Variants in FAM161A observed in about 807,000 individuals in gnomAD.
FAM161A encodes the protein FAM161 centrosomal protein A.
A neutral mutation model predicts 70.9 loss-of-function variants in FAM161A; 57 were observed. The observed-to-expected ratio is 0.80, with a 90% CI of 0.65 to 1.00. The LOEUF (loss-of-function observed/expected upper bound fraction) is 1.00, where lower values mean the gene tolerates loss of function less well. Ranked by LOEUF, FAM161A falls within the 50% of genes least tolerant of loss-of-function variation. FAM161A has a pLI of 0.00. For synonymous variants in FAM161A, 299 were observed against 295.7 expected, an observed-to-expected ratio of 1.01 and a Z score of -0.12; for missense variants, 880 against 836.0, an observed-to-expected ratio of 1.05 and a Z score of -0.65.
At chr2:61,812,305 C>G in the FAM161A span, among the ~76,000 whole-genome samples, 1 of 152,134 alleles carries the variant, frequency 6.6e-6, no homozygotes, top group Non-Finnish European at 1.5e-5. Flanking sequence ...TTCTCAGTAC[C>G]TAGATTTTTT....
At chr2:61,804,502 C>T in the FAM161A span, among the ~76,000 whole-genome samples, 5 of 151,810 alleles carry the variant, frequency 3.3e-5, no homozygotes, top group African/African-American at 9.7e-5. Flanking sequence ...CTGGTCAACA[C>T]GGTGAAACCC....
intron 1 of FAM161A, among the ~76,000 whole-genome samples, chr2:61,845,670 T>A (rs58512826): frequency 0.22 from 33,983 of 151,058 alleles, 4,369 homozygotes; most frequent in East Asian, 0.5. Context: ...AAATTTTTTT[T>A]AAAAAATTAG....
At chr2:61,843,039 C>G (rs1420391878) in intron 1 of FAM161A, among the ~76,000 whole-genome samples, 1 of 152,096 alleles carries the variant, frequency 6.6e-6, no homozygotes, top group Non-Finnish European at 1.5e-5. Flanking sequence ...GACAACAAAG[C>G]AAAGAAGAAA....
chr2:61,810,455 T>C, the FAM161A span, among the ~76,000 whole-genome samples: 2 of 136,840 alleles, frequency 1.5e-5, no homozygotes, highest in Non-Finnish European at 3.2e-5. Context: ...AGCACTTCCT[T>C]TTTTTTTTTT....
At chr2:61,809,163 G>A in the FAM161A span, among the ~76,000 whole-genome samples, 2 of 152,160 alleles carry the variant, frequency 1.3e-5, no homozygotes, top group South Asian at 2.1e-4. Context: ...ATGAGCCACC[G>A]CGCCCCGCCT....
chr2:61,838,158 G>A (rs933231240), intron 4 of FAM161A, among the ~76,000 whole-genome samples: 3 of 152,158 alleles, frequency 2.0e-5, no homozygotes, highest in Non-Finnish European at 4.4e-5. Context: ...GATGTTTAAC[G>A]TGTTAATTTG....
chr2:61,829,972 A>C (rs1284583708), intron 5 of FAM161A, among the ~76,000 whole-genome samples: 1 of 146,032 alleles, frequency 6.8e-6, no homozygotes, highest in Non-Finnish European at 1.5e-5. Context: ...GCAGCAAAAA[A>C]TGTACTAAAA....
chr2:61,842,416 C>A (rs1673052115), intron 1 of FAM161A, 56 bp from the exon 2 acceptor site: 1 of 1,107,756 alleles, frequency 9.0e-7, no homozygotes, highest in South Asian at 1.4e-5. Flanking sequence ...ACAAATTAAG[C>A]TGACACTGAT....
downstream of FAM161A, chr2:61,820,656 T>C (rs185316540): frequency 1.5e-4 from 75 of 491,314 alleles, no homozygotes; most frequent in African/African-American, 1.4e-3. Context: ...ATGATGGTAT[T>C]AGAGCTGTGT....
downstream of FAM161A, among the ~76,000 whole-genome samples, chr2:61,823,243 G>C (rs1469689225): frequency 6.6e-6 from 1 of 150,418 alleles, no homozygotes; most frequent in Non-Finnish European, 1.5e-5. Flanking sequence ...GGAGGCAGGA[G>C]AATCACTTGA....
At chr2:61,835,281 G>C (rs2105072525) in intron 5 of FAM161A, among the ~76,000 whole-genome samples, 1 of 152,286 alleles carries the variant, frequency 6.6e-6, no homozygotes, top group Non-Finnish European at 1.5e-5. Flanking sequence ...CACCCATACA[G>C]ATGCCTCCCC....
chr2:61,806,185 T>C, the FAM161A span, among the ~76,000 whole-genome samples: 1 of 151,880 alleles, frequency 6.6e-6, no homozygotes, highest in Non-Finnish European at 1.5e-5. Flanking sequence ...ACTACTGCAC[T>C]CAAGCCTGGG....
At chr2:61,804,768 G>GAAAGAA in the FAM161A span, among the ~76,000 whole-genome samples, 6,984 of 118,994 alleles carry the variant, frequency 0.059, 273 homozygotes, top group African/African-American at 0.078. Context: ...GAAAAAGAAA[G>GAAAGAA]AGAAAGAAAG....
At chr2:61,847,970 A>T (rs1433986750) in intron 1 of FAM161A, among the ~76,000 whole-genome samples, 1 of 152,210 alleles carries the variant, frequency 6.6e-6, no homozygotes, top group African/African-American at 2.4e-5. Context: ...GAACCATGCA[A>T]AGAAATGCTG....
chr2:61,804,042 G>A, the FAM161A span, among the ~76,000 whole-genome samples: 6 of 152,156 alleles, frequency 3.9e-5, no homozygotes, highest in African/African-American at 1.4e-4. Flanking sequence ...ACGGCTGCTG[G>A]TTGCCCATTT....
intron 4 of FAM161A, among the ~76,000 whole-genome samples, chr2:61,838,148 G>A (rs1243028833): frequency 1.3e-5 from 2 of 152,102 alleles, no homozygotes; most frequent in African/African-American, 2.4e-5. Flanking sequence ...TCACATAACC[G>A]ATGTTTAACG....
At chr2:61,819,952 C>T (rs542297302), downstream of FAM161A, among the ~76,000 whole-genome samples, 7 of 152,130 alleles carry the variant, frequency 4.6e-5, no homozygotes, top group East Asian at 1.4e-3. Context: ...ATTTTTTCCT[C>T]ATAGAGGATA....
Position 61,827,143 on chromosome 2 carries a change from T to A in FAM161A, c.1967A>T (p.Asn656Ile), listed in dbSNP as rs770123645. The A allele has an allele frequency of 1.5e-5, 24 of 1,613,842 alleles. No homozygotes were observed. Among genetic ancestry groups the A allele is most frequent in the Non-Finnish European group, 1.5e-5 (18 of 1,179,966 alleles). Residue 656 changes from asparagine (N) to isoleucine (I), a missense_variant, in exon 6 of 7, where the codon AAC (asparagine) becomes ATC (isoleucine). Asn to Ile is a moderately radical substitution (Grantham distance 149). Coordinates refer to ENST00000404929, the MANE Select transcript of FAM161A (RefSeq NM_001201543.2). The part of the protein sequence containing the change: ...GQSGKVLEYF[N>I]NQETKSVTED... The stretch of plus-strand genomic sequence containing the variant: ...AGTGACACTTTTCGTCTCTTGATTG[T>A]TGAAGTACTCAAGTACTTTTCCACT...
intron 5 of FAM161A, 70 bp from the exon 6 acceptor site, chr2:61,827,328 A>C (rs1183940687): frequency 6.5e-7 from 1 of 1,539,326 alleles, no homozygotes; most frequent in Non-Finnish European, 8.9e-7. Flanking sequence ...TGTATAGATT[A>C]GGCCAGGCGC....
Sources: gnomAD v4.1 joint callset for allele counts (sites outside exome capture counted in the v4.1 genomes callset) on GRCh38, gnomAD v4.1.1 for gene constraint, MANE v1.5 for transcripts, NCBI Gene and HGNC (gene_info 2026-07-23, HGNC 2026-07-21) for gene names.